The following ZDHHC2 variants were observed in gnomAD, a reference collection of about 807,000 sequenced individuals.
ZDHHC2 encodes the protein palmitoyltransferase ZDHHC2.
In ZDHHC2, 51 loss-of-function variants were observed where a neutral mutation model predicts 55.6. That is an observed-to-expected ratio of 0.92 (90% CI 0.73 to 1.16). The LOEUF is 1.16. Among genes scored for constraint, ZDHHC2 ranks in the 50% most tolerant of loss-of-function variants. ZDHHC2 has a pLI of 0.00. For synonymous variants in ZDHHC2, 199 were observed against 152.9 expected, an observed-to-expected ratio of 1.30 and a Z score of -2.22; for missense variants, 491 against 442.4, an observed-to-expected ratio of 1.11 and a Z score of -0.99.
chr8:17,191,432 C>T (rs1806022359), intron 3 of ZDHHC2, among the ~76,000 whole-genome samples: 2 of 152,126 alleles, frequency 1.3e-5, no homozygotes, highest in South Asian at 4.1e-4. Context: ...GTTTTGTTAC[C>T]GTTAACTTTC....
chr8:17,174,341 T>G (rs1341943301), intron 1 of ZDHHC2, among the ~76,000 whole-genome samples: 1 of 152,220 alleles, frequency 6.6e-6, no homozygotes, highest in Non-Finnish European at 1.5e-5. Context: ...GCCCATAGTC[T>G]GTGATACTTT....
intron 1 of ZDHHC2, among the ~76,000 whole-genome samples, chr8:17,161,440 AGTTTTTGCCATTAGTT>A (rs1389596817): frequency 6.6e-6 from 1 of 152,246 alleles, no homozygotes; most frequent in Non-Finnish European, 1.5e-5. Context: ...AAGTAATTGC[AGTTTTTGCCATTAGTT>A]GGTTTTGCCA....
At chr8:17,179,957 A>G (rs577851327) in intron 1 of ZDHHC2, among the ~76,000 whole-genome samples, 54 of 152,326 alleles carry the variant, frequency 3.5e-4, no homozygotes, top group African/African-American at 1.0e-3. Context: ...CTAATCCAAG[A>G]TAAAATGAGG....
chr8:17,203,974 AT>A (rs1156752356), intron 6 of ZDHHC2, among the ~76,000 whole-genome samples: 5 of 151,840 alleles, frequency 3.3e-5, no homozygotes, highest in Admixed American at 3.3e-4. Flanking sequence ...CGCCCAGCTA[AT>A]TTTTGTATTT....
chr8:17,164,378 T>G (rs1361187301), intron 1 of ZDHHC2, among the ~76,000 whole-genome samples: 1 of 152,220 alleles, frequency 6.6e-6, no homozygotes, highest in Non-Finnish European at 1.5e-5. Context: ...TGGATTACAT[T>G]TTTAAAATGC....
intron 2 of ZDHHC2, among the ~76,000 whole-genome samples, chr8:17,185,068 C>G (rs2150906787): frequency 6.6e-6 from 1 of 152,250 alleles, no homozygotes; most frequent in South Asian, 2.1e-4. Flanking sequence ...CAACAATTTC[C>G]TTTCCTAATT....
At chr8:17,178,302 T>A (rs1207408445) in intron 1 of ZDHHC2, among the ~76,000 whole-genome samples, 2 of 152,176 alleles carry the variant, frequency 1.3e-5, no homozygotes, top group South Asian at 2.1e-4. Context: ...GTTGAGATGA[T>A]CTCCTGCTTT....
intron 1 of ZDHHC2, among the ~76,000 whole-genome samples, chr8:17,159,990 A>G (rs562547674): frequency 6.6e-6 from 1 of 152,232 alleles, no homozygotes; most frequent in East Asian, 1.9e-4. Context: ...GATAAACTCA[A>G]AGGTAACATT....
At position 17,156,729 on chromosome 8, in the gene ZDHHC2, G is replaced by A. The variant is rs778686680; in HGVS notation, c.6G>A (p.Ala2=). 1 of 1,475,212 alleles carries A rather than the reference G, an allele frequency of 6.8e-7. No homozygotes were observed. The highest frequency in any genetic ancestry group is 1.3e-5 in the South Asian group (1 of 78,184). 91.4% of individuals were successfully genotyped at this position (1,475,212 alleles called of 1,614,324 possible). A position where few individuals can be genotyped will look rare whatever the true frequency, so the allele number is the denominator to read the frequency against. Residue 2 remains alanine, a synonymous_variant, in exon 1 of 13, where the codon GCG becomes GCA. Transcript: ENST00000262096. The stretch of plus-strand genomic sequence containing the variant: ...CAGGTGGATGCGGCTGGAAGATGGC[G>A]CCCTCGGGCCCGGGCAGCAGCGCCA... M[A]PSGPGSSARR...
At chr8:17,201,588 G>T (rs1420178542) in intron 6 of ZDHHC2, among the ~76,000 whole-genome samples, 1 of 139,612 alleles carries the variant, frequency 7.2e-6, no homozygotes, top group Non-Finnish European at 1.5e-5. Flanking sequence ...CGCCTCCTGG[G>T]TTCATGCCAT....
chr8:17,189,407 T>C (rs1465357090), intron 3 of ZDHHC2, among the ~76,000 whole-genome samples: 1 of 152,152 alleles, frequency 6.6e-6, no homozygotes, highest in Non-Finnish European at 1.5e-5. Context: ...TACACCATCG[T>C]TAGAATGTAG....
At chr8:17,200,044 C>T (rs1385817916) in intron 6 of ZDHHC2, among the ~76,000 whole-genome samples, 2 of 152,182 alleles carry the variant, frequency 1.3e-5, no homozygotes, top group Admixed American at 6.5e-5. Flanking sequence ...CGCGAGCCAC[C>T]ATGCCTGGCC....
chr8:17,167,115 C>T (rs1266402153), intron 1 of ZDHHC2, among the ~76,000 whole-genome samples: 1 of 152,052 alleles, frequency 6.6e-6, no homozygotes, highest in African/African-American at 2.4e-5. Context: ...ACATTTGGGA[C>T]ATATGTTTCT....
At chr8:17,197,217 T>C (rs1275329494) in intron 4 of ZDHHC2, among the ~76,000 whole-genome samples, 1 of 152,196 alleles carries the variant, frequency 6.6e-6, no homozygotes, top group Non-Finnish European at 1.5e-5. Flanking sequence ...GTTTAAAACT[T>C]TTTTTGATAA....
At chr8:17,180,654 C>T (rs1478328291) in intron 1 of ZDHHC2, among the ~76,000 whole-genome samples, 1 of 152,178 alleles carries the variant, frequency 6.6e-6, no homozygotes, top group African/African-American at 2.4e-5. Context: ...TTTGAATTCT[C>T]GCTACAGCCC....
chr8:17,160,944 A>C (rs1804314703), intron 1 of ZDHHC2, among the ~76,000 whole-genome samples: 1 of 152,176 alleles, frequency 6.6e-6, no homozygotes, highest in Admixed American at 6.5e-5. Flanking sequence ...AGACCACTAG[A>C]ATCTTGAGGT....
chr8:17,218,379 CAT>C (rs1227973804), intron 12 of ZDHHC2, among the ~76,000 whole-genome samples: 6 of 152,108 alleles, frequency 3.9e-5, no homozygotes, highest in African/African-American at 1.4e-4. Context: ...TTCTGTAAGA[CAT>C]AGAATTTCAC....
chr8:17,184,813 A>G lies in ZDHHC2; in HGVS notation c.155A>G (p.Gln52Arg), dbSNP rs1805629046. Residue 52 changes from glutamine to arginine, a missense_variant and splice_region_variant, in exon 2 of 13, where the codon CAA (glutamine) becomes CGA (arginine). By Grantham distance (43) the Gln-to-Arg change is conservative (BLOSUM62 1). Transcript: ENST00000262096. The part of the protein sequence containing the change: ...CIVSMENTGE[Q>R]VVCLMAYHLL... ...GTGTCCATGGAAAACACTGGCGAAC[A>G]AGGTAAGCTAGATTATATTAATGTT... The G allele has an allele frequency of 3.2e-6, 5 of 1,548,760 alleles. No individual in the cohort carries two copies. The highest frequency in any genetic ancestry group is 4.4e-6 in the Non-Finnish European group (5 of 1,145,750).
intron 1 of ZDHHC2, among the ~76,000 whole-genome samples, chr8:17,162,034 T>C (rs932103916): frequency 2.0e-5 from 3 of 152,180 alleles, no homozygotes; most frequent in African/African-American, 7.2e-5. Context: ...TAAAACATGA[T>C]ATGTTCCAAA....
Sources: allele counts gnomAD v4.1 joint callset (sites outside exome capture counted in the v4.1 genomes callset), GRCh38; gene constraint gnomAD v4.1.1; transcripts MANE v1.5; gene names NCBI Gene and HGNC (gene_info 2026-07-23, HGNC 2026-07-21).